The following CFAP92 variants were observed in gnomAD, a reference collection of about 807,000 sequenced individuals.
CFAP92 encodes cilia and flagella associated protein 92 (putative).
Under a neutral mutation model 106.3 loss-of-function variants are expected in CFAP92, and 86 were observed. The observed-to-expected ratio is 0.81, with a 90% CI of 0.68 to 0.97. CFAP92 has a LOEUF of 0.97. Ranked by LOEUF, CFAP92 falls within the 50% of genes least tolerant of loss-of-function variation. The probability of loss-of-function intolerance (pLI) is 0.00; values close to 1 mark genes in which losing one functional copy is unlikely to be tolerated. For missense variants in CFAP92, 1,204 were observed against 1,283.8 expected (o/e 0.94, Z 0.95); for synonymous variants, 477 against 506.4 (o/e 0.94, Z 0.78).
upstream of CFAP92, among the ~76,000 whole-genome samples, chr3:129,006,163 A>C (rs1434467483): frequency 6.6e-6 from 1 of 152,226 alleles, no homozygotes; most frequent in Non-Finnish European, 1.5e-5. Flanking sequence ...TAGGAAAGTC[A>C]AATCAGCCTG....
chr3:128,974,947 C>G (rs1197177855), intron 7 of CFAP92, among the ~76,000 whole-genome samples: 1 of 151,510 alleles, frequency 6.6e-6, no homozygotes, highest in African/African-American at 2.4e-5. Flanking sequence ...GGTGAAACCC[C>G]GTCTCTAATA....
intron 10 of CFAP92, among the ~76,000 whole-genome samples, chr3:128,940,810 A>T (rs1939548504): frequency 6.6e-6 from 1 of 152,082 alleles, no homozygotes; most frequent in Admixed American, 6.6e-5. Context: ...TATCTTCTTT[A>T]AAAAAGACCT....
At chr3:128,981,851 A>G (rs535603780) in intron 4 of CFAP92, among the ~76,000 whole-genome samples, 1 of 152,338 alleles carries the variant, frequency 6.6e-6, no homozygotes, top group South Asian at 2.1e-4. Flanking sequence ...ATGAGCAGTC[A>G]TATTAGAAAG....
intron 3 of CFAP92, among the ~76,000 whole-genome samples, chr3:128,988,118 G>A (rs974005253): frequency 1.3e-5 from 2 of 152,262 alleles, no homozygotes; most frequent in East Asian, 1.9e-4. Context: ...GCAGGAGTGT[G>A]TGTGTGCAGG....
the CFAP92 span, among the ~76,000 whole-genome samples, chr3:129,014,234 C>T: frequency 2.6e-5 from 4 of 152,222 alleles, no homozygotes; most frequent in Admixed American, 1.3e-4. The surrounding 1 kb of genome is among the most constrained non-coding windows in gnomAD (Gnocchi z 4.3). Flanking sequence ...CAGTGCGTTA[C>T]GCTGTTGACC....
chr3:128,953,479 C>T (rs995310575), intron 9 of CFAP92, among the ~76,000 whole-genome samples: 2 of 151,924 alleles, frequency 1.3e-5, no homozygotes, highest in African/African-American at 4.8e-5. Context: ...CACGCCACTG[C>T]ACTCCAGCCA....
chr3:128,949,080 A>G (rs1435759139), intron 9 of CFAP92, among the ~76,000 whole-genome samples: 1 of 152,218 alleles, frequency 6.6e-6, no homozygotes, highest in East Asian at 1.9e-4. Flanking sequence ...TGGAGAGGGT[A>G]GGGAGCAACT....
At chr3:128,985,992 A>G (rs1367735087) in intron 4 of CFAP92, among the ~76,000 whole-genome samples, 1 of 152,192 alleles carries the variant, frequency 6.6e-6, no homozygotes, top group Non-Finnish European at 1.5e-5. Flanking sequence ...CCCCACAGCG[A>G]GGAATTATCT....
chr3:128,950,925 A>G (rs1940718524), intron 9 of CFAP92, among the ~76,000 whole-genome samples: 1 of 152,042 alleles, frequency 6.6e-6, no homozygotes, highest in Non-Finnish European at 1.5e-5. Flanking sequence ...AGTGCGGGGA[A>G]CCCTCTCAAA....
Position 128,959,168 on chromosome 3 carries a change from C to T in CFAP92, c.1353+6343G>A, listed in dbSNP as rs1469046160. ...GAGGTTGTGGTGAGCTGAGATTGCA[C>T]CCCTGCACTCCAGCCTGGGCAACAA... On this transcript the variant is annotated intron_variant, in intron 9 of 15. Coordinates refer to ENST00000645291, the MANE Select transcript of CFAP92 (RefSeq NM_001394090.1). Among the ~76,000 whole-genome samples, 3 of 152,232 alleles carry T rather than the reference C, an allele frequency of 2.0e-5. No homozygotes were observed. The East Asian group carries it at 5.8e-4, about 29-fold the overall frequency.
chr3:128,929,683 T>C (rs2107700255), intron 12 of CFAP92, among the ~76,000 whole-genome samples: 1 of 152,310 alleles, frequency 6.6e-6, no homozygotes, highest in African/African-American at 2.4e-5. Flanking sequence ...GTTTACATAA[T>C]TATATGGTTC....
At chr3:129,007,605 A>G (rs1251529259), upstream of CFAP92, among the ~76,000 whole-genome samples, 4 of 152,152 alleles carry the variant, frequency 2.6e-5, no homozygotes, top group East Asian at 7.7e-4. Flanking sequence ...TCTTCCCTCT[A>G]AGGTTGGTAT....
the CFAP92 span, among the ~76,000 whole-genome samples, chr3:129,022,499 A>T: frequency 6.6e-6 from 1 of 152,160 alleles, no homozygotes; most frequent in Non-Finnish European, 1.5e-5. Flanking sequence ...CCCTTGTCAG[A>T]TTGTATAAGC....
At chr3:129,025,575 G>A in the CFAP92 span, among the ~76,000 whole-genome samples, 113 of 152,306 alleles carry the variant, frequency 7.4e-4, no homozygotes, top group Admixed American at 2.4e-3. Flanking sequence ...AGTAAGGGTG[G>A]TAGCTGGGAA....
Position 128,910,228 on chromosome 3 carries a change from G to T in CFAP92, c.*71C>A. 6.2e-7 allele frequency: 1 copy of T among 1,604,578 alleles called. No individual in the cohort carries two copies. Among genetic ancestry groups the T allele is most frequent in the Non-Finnish European group, 8.5e-7 (1 of 1,177,276 alleles). ...CACTTTAATGAAGTTGATTGTTGAG[G>T]AGGGTGTGGTCGGGTGTGGGGGAGG... On this transcript the variant is annotated 3_prime_UTR_variant, in exon 16 of 16. Coordinates refer to ENST00000645291, the MANE Select transcript of CFAP92 (RefSeq NM_001394090.1).
intron 12 of CFAP92, among the ~76,000 whole-genome samples, chr3:128,924,130 A>G (rs1228391459): frequency 2.0e-5 from 3 of 152,170 alleles, no homozygotes; most frequent in Non-Finnish European, 4.4e-5. Context: ...TGTTGGGGAA[A>G]AGCTGAGTGT....
chr3:128,914,308 AG>A (rs1397460993), intron 15 of CFAP92, among the ~76,000 whole-genome samples: 2 of 152,156 alleles, frequency 1.3e-5, no homozygotes, highest in Non-Finnish European at 2.9e-5. Flanking sequence ...GCCCACAGAG[AG>A]CAGGTCTCTT....
the CFAP92 span, among the ~76,000 whole-genome samples, chr3:129,023,421 T>A: frequency 6.6e-6 from 1 of 151,876 alleles, no homozygotes; most frequent in South Asian, 2.1e-4. Flanking sequence ...CTCTGCCTCC[T>A]GGGTTCACGG....
chr3:128,980,969 T>G (rs1332954031), intron 4 of CFAP92, among the ~76,000 whole-genome samples: 1 of 151,814 alleles, frequency 6.6e-6, no homozygotes, highest in East Asian at 1.9e-4. Flanking sequence ...TGTTTTTACC[T>G]CCTCCCATGA....
Sources: allele counts gnomAD v4.1 joint callset (sites outside exome capture counted in the v4.1 genomes callset), GRCh38; gene constraint gnomAD v4.1.1; non-coding constraint Gnocchi (gnomAD v3.1); transcripts MANE v1.5; gene names NCBI Gene and HGNC (gene_info 2026-07-23, HGNC 2026-07-21).